The following RNF144A variants were observed in gnomAD, a reference collection of about 807,000 sequenced individuals.
The protein encoded by RNF144A is ring finger protein 144A.
RNF144A carries 11 observed loss-of-function variants against 38.7 expected under a neutral mutation model. The ratio of observed to expected loss-of-function variants is 0.28; its 90% CI spans 0.18 to 0.47. The LOEUF is 0.47. Among genes scored for constraint, RNF144A ranks in the 20% least tolerant of loss-of-function variants. RNF144A has a pLI of 0.99. For synonymous variants in RNF144A, 149 were observed against 143.9 expected, an observed-to-expected ratio of 1.04 and a Z score of -0.25; for missense variants, 316 against 377.2, an observed-to-expected ratio of 0.84 and a Z score of 1.34.
intron 2 of RNF144A, among the ~76,000 whole-genome samples, chr2:6,988,256 G>A (rs906443119): frequency 6.6e-6 from 1 of 152,202 alleles, no homozygotes; most frequent in African/African-American, 2.4e-5. Flanking sequence ...TCTTGCGTTA[G>A]TTTAGTCCAT....
Position 6,962,834 on chromosome 2 carries a change from C to G in RNF144A, c.-12+21687C>G, listed in dbSNP as rs1334598012. On this transcript the variant is annotated intron_variant, in intron 2 of 8. Coordinates refer to ENST00000320892, the MANE Select transcript of RNF144A (RefSeq NM_014746.6). This position sits in a 1 kb window ranked among gnomAD's most constrained non-coding sequence, Gnocchi z 4.1. ...AGAAGGTCCTCAGTTAATGACTGGC[C>G]CAGCCTTGCTGGTCTCCATGGTTTA... 2.0e-5 allele frequency among the ~76,000 whole-genome samples: 3 copies of G among 152,132 alleles called. No individual in the cohort carries two copies. Among genetic ancestry groups the G allele is most frequent in the Non-Finnish European group, 4.4e-5 (3 of 68,038 alleles).
chr2:6,938,776 T>C (rs1031048950), intron 1 of RNF144A, among the ~76,000 whole-genome samples: 1 of 152,210 alleles, frequency 6.6e-6, no homozygotes, highest in African/African-American at 2.4e-5. Flanking sequence ...GTGATCCACT[T>C]TCTGTCCCTA....
chr2:6,918,125 C>T (rs1664257168), intron 1 of RNF144A, among the ~76,000 whole-genome samples: 1 of 152,138 alleles, frequency 6.6e-6, no homozygotes, highest in African/African-American at 2.4e-5. Flanking sequence ...TCCGGGGCAT[C>T]GCCACCGGCG....
chr2:7,061,685 G>A (rs1393436933), intron 6 of RNF144A, among the ~76,000 whole-genome samples: 2 of 152,166 alleles, frequency 1.3e-5, no homozygotes, highest in Non-Finnish European at 2.9e-5. Context: ...TGAATGCTGA[G>A]GCCTAGAACT....
intron 3 of RNF144A, among the ~76,000 whole-genome samples, chr2:7,008,781 C>G (rs1413308844): frequency 6.6e-6 from 1 of 152,214 alleles, no homozygotes; most frequent in East Asian, 1.9e-4. Context: ...GTGCCTTGCT[C>G]CTGAGACCTC....
At chr2:7,070,116 A>G (rs1039559219), downstream of RNF144A, among the ~76,000 whole-genome samples, 5 of 152,098 alleles carry the variant, frequency 3.3e-5, no homozygotes, top group Non-Finnish European at 5.9e-5. Context: ...ATAAAACTCC[A>G]AAGGCCACAT....
At chr2:7,064,408 T>C (rs1368296539) in intron 6 of RNF144A, among the ~76,000 whole-genome samples, 2 of 152,072 alleles carry the variant, frequency 1.3e-5, no homozygotes, top group African/African-American at 4.8e-5. Flanking sequence ...ATGCTGATAA[T>C]AAGGAACCAA....
intron 1 of RNF144A, among the ~76,000 whole-genome samples, chr2:6,918,006 G>A (rs1014575050): frequency 6.6e-6 from 1 of 151,848 alleles, no homozygotes; most frequent in Non-Finnish European, 1.5e-5. Context: ...CCCGGGCCAG[G>A]GTCCCGCGGG....
chr2:7,023,213 C>T (rs1671653263), intron 6 of RNF144A, among the ~76,000 whole-genome samples: 2 of 152,176 alleles, frequency 1.3e-5, no homozygotes, highest in South Asian at 4.1e-4. Flanking sequence ...TTGCCTTCTA[C>T]TAATGGACCA....
intron 1 of RNF144A, among the ~76,000 whole-genome samples, chr2:6,935,368 C>A (rs1665502008): frequency 6.6e-6 from 1 of 152,210 alleles, no homozygotes; most frequent in African/African-American, 2.4e-5. Flanking sequence ...TCTAGCATCC[C>A]ATTCTGAGGT....
intron 5 of RNF144A, among the ~76,000 whole-genome samples, chr2:7,016,816 A>G (rs309311): frequency 0.52 from 79,435 of 151,664 alleles, 21,274 homozygotes; most frequent in East Asian, 0.78. Flanking sequence ...GAAAACTGAG[A>G]CAGTTCAATG....
At chr2:7,029,463 A>G (rs1672134774) in intron 7 of RNF144A, among the ~76,000 whole-genome samples, 1 of 152,214 alleles carries the variant, frequency 6.6e-6, no homozygotes, top group African/African-American at 2.4e-5. Context: ...AGGCGTCCAC[A>G]GGTGTTCCTG....
In RNF144A at chr2:7,060,608, G is replaced by A. The variant is rs1007527190; in HGVS notation, c.735-7608G>A. Among the ~76,000 whole-genome samples the A allele has an allele frequency of 2.6e-5, 4 of 152,304 alleles. No individual in the cohort carries two copies. In the East Asian group the frequency reaches 5.8e-4, roughly 22 times the overall value. ...TCTGGATCCCCAAATTTCCATTCCA[G>A]ATTTAGGGCTGATGTTCCCAGCTCG... On this transcript the variant is annotated intron_variant, in intron 6 of 6. Transcript: ENST00000432850.
chr2:6,990,830 C>T (rs1182857099), intron 2 of RNF144A, among the ~76,000 whole-genome samples: 1 of 152,184 alleles, frequency 6.6e-6, no homozygotes, highest in Non-Finnish European at 1.5e-5. Flanking sequence ...ATTCTCTGTG[C>T]TCTGCCCAAT....
chr2:6,974,341 C>G (rs187341992), intron 2 of RNF144A, among the ~76,000 whole-genome samples: 1 of 152,118 alleles, frequency 6.6e-6, no homozygotes, highest in African/African-American at 2.4e-5. Flanking sequence ...TGCAGACTGC[C>G]GAGATCCATC....
chr2:7,005,080 G>A (rs769004142), intron 3 of RNF144A, among the ~76,000 whole-genome samples: 7 of 152,196 alleles, frequency 4.6e-5, no homozygotes, highest in South Asian at 2.1e-4. Context: ...TCATAGCGTC[G>A]TCAGATTAAG....
intron 2 of RNF144A, among the ~76,000 whole-genome samples, chr2:6,966,349 A>T (rs1363099599): frequency 1.3e-5 from 2 of 152,154 alleles, no homozygotes; most frequent in Admixed American, 6.5e-5. Flanking sequence ...GACTAAAGAA[A>T]CACTGGAATA....
chr2:7,060,812 C>T (rs944986935), intron 6 of RNF144A, among the ~76,000 whole-genome samples: 4 of 152,206 alleles, frequency 2.6e-5, no homozygotes, highest in African/African-American at 4.8e-5. Context: ...ATCGCCCCTG[C>T]AACCCCTGCA....
intron 2 of RNF144A, among the ~76,000 whole-genome samples, chr2:6,990,596 C>G: frequency 6.8e-6 from 1 of 147,150 alleles, no homozygotes; most frequent in Admixed American, 6.8e-5. Flanking sequence ...CACACACACA[C>G]ACACACAGAT....
Sources: allele counts gnomAD v4.1 joint callset (sites outside exome capture counted in the v4.1 genomes callset), GRCh38; gene constraint gnomAD v4.1.1; non-coding constraint Gnocchi (gnomAD v3.1); transcripts MANE v1.5; gene names NCBI Gene and HGNC (gene_info 2026-07-23, HGNC 2026-07-21).